Variants in STAG1 observed in about 807,000 individuals in gnomAD.
STAG1 encodes the protein STAG1 cohesin complex component.
A neutral mutation model predicts 170.9 loss-of-function variants in STAG1; 26 were observed. The observed-to-expected ratio is 0.15, with a 90% CI of 0.11 to 0.21. The LOEUF is 0.21. STAG1 is among the 10% of genes least tolerant of loss of function. The probability of loss-of-function intolerance (pLI) is 1.00; values close to 1 mark genes in which losing one functional copy is unlikely to be tolerated. For missense variants in STAG1, 964 were observed against 1,509.5 expected (o/e 0.64, Z 5.99); for synonymous variants, 514 against 497.7 (o/e 1.03, Z -0.44).
chr3:136,478,086 G>A (rs2089803798), intron 9 of STAG1, among the ~76,000 whole-genome samples: 2 of 152,092 alleles, frequency 1.3e-5, no homozygotes, highest in Admixed American at 6.6e-5. Context: ...CACTGTGACC[G>A]GCCAGAACTG....
intron 4 of STAG1, among the ~76,000 whole-genome samples, chr3:136,570,028 A>G (rs1937210642): frequency 6.6e-6 from 1 of 152,172 alleles, no homozygotes; most frequent in South Asian, 2.1e-4. Context: ...GGAAATGTAT[A>G]AAAATGTAAA....
At chr3:136,352,873 C>A (rs1936488887) in intron 28 of STAG1, among the ~76,000 whole-genome samples, 1 of 152,146 alleles carries the variant, frequency 6.6e-6, no homozygotes, top group Non-Finnish European at 1.5e-5. Context: ...GCATTTTTGA[C>A]TTACAATATT....
At chr3:136,728,364 T>C (rs192430870) in intron 1 of STAG1, among the ~76,000 whole-genome samples, 1 of 152,280 alleles carries the variant, frequency 6.6e-6, no homozygotes, top group Non-Finnish European at 1.5e-5. Context: ...TGTAAATGCA[T>C]TTGTGGGTAT....
At chr3:136,717,389 T>G (rs1943569609) in intron 1 of STAG1, among the ~76,000 whole-genome samples, 3 of 152,138 alleles carry the variant, frequency 2.0e-5, no homozygotes. Context: ...GGAGGTCGGG[T>G]GTGGTGGCTC....
At chr3:136,457,838 G>C (rs1332884009) in intron 13 of STAG1, among the ~76,000 whole-genome samples, 1 of 152,120 alleles carries the variant, frequency 6.6e-6, no homozygotes, top group African/African-American at 2.4e-5. Context: ...ATTCATGCCT[G>C]TAATCTCCAA....
In STAG1 at chr3:136,583,205, T is replaced by C. The variant is rs916611842; in HGVS notation, c.298-14344A>G. Among the ~76,000 whole-genome samples, 45 of 152,300 alleles carry C rather than the reference T, an allele frequency of 3.0e-4. 1 individual carries two copies. Among genetic ancestry groups the C allele is most frequent in the African/African-American group, 1.0e-3 (43 of 41,560 alleles). On this transcript the variant is annotated intron_variant, in intron 4 of 33. Coordinates refer to ENST00000383202, the MANE Select transcript of STAG1 (RefSeq NM_005862.3). Reference sequence around the variant, plus strand: ...AAAAATTAATTCAGGGTAAGGGATATTGTATATGCTTAAGAAGGTATTGCC... The same window carrying C: ...AAAAATTAATTCAGGGTAAGGGATACTGTATATGCTTAAGAAGGTATTGCC...
At chr3:136,546,304 G>A (rs1936152495) in intron 5 of STAG1, among the ~76,000 whole-genome samples, 1 of 152,154 alleles carries the variant, frequency 6.6e-6, no homozygotes, top group South Asian at 2.1e-4. Context: ...ATTCAAGATA[G>A]GCAGGGTTTC....
intron 22 of STAG1, among the ~76,000 whole-genome samples, chr3:136,395,485 G>C (rs2087123476): frequency 6.6e-6 from 1 of 152,052 alleles, no homozygotes; most frequent in South Asian, 2.1e-4. Context: ...CCCGGGCATG[G>C]TGGCATGCGC....
intron 2 of STAG1, among the ~76,000 whole-genome samples, chr3:136,629,644 C>A (rs565702456): frequency 6.6e-6 from 1 of 151,840 alleles, no homozygotes; most frequent in Non-Finnish European, 1.5e-5. Context: ...TTGGATAGCT[C>A]TGTGTCTTAG....
intron 6 of STAG1, among the ~76,000 whole-genome samples, chr3:136,533,746 C>G (rs1576578402): frequency 6.6e-6 from 1 of 152,262 alleles, no homozygotes; most frequent in East Asian, 1.9e-4. Flanking sequence ...CTGGGGATTA[C>G]ATTTCAACAT....
chr3:136,621,225 G>A (rs1314049923), intron 3 of STAG1, among the ~76,000 whole-genome samples: 1 of 152,148 alleles, frequency 6.6e-6, no homozygotes, highest in Non-Finnish European at 1.5e-5. Context: ...CTGCTGGTGG[G>A]GTGGTAAATT....
At chr3:136,553,932 G>A (rs1169954869) in intron 5 of STAG1, among the ~76,000 whole-genome samples, 1 of 152,036 alleles carries the variant, frequency 6.6e-6, no homozygotes, top group Non-Finnish European at 1.5e-5. Flanking sequence ...TGTATTAAAT[G>A]CAAAAGGGAC....
At chr3:136,734,795 G>A (rs746440012) in intron 1 of STAG1, among the ~76,000 whole-genome samples, 2 of 152,048 alleles carry the variant, frequency 1.3e-5, no homozygotes, top group Non-Finnish European at 2.9e-5. Context: ...GTATACCACT[G>A]CCACACATAT....
chr3:136,666,682 T>C (rs1341443428), intron 1 of STAG1, among the ~76,000 whole-genome samples: 2 of 151,988 alleles, frequency 1.3e-5, no homozygotes, highest in Non-Finnish European at 2.9e-5. Flanking sequence ...TAGCAAGGCA[T>C]GGTGGTGGGC....
chr3:136,449,296 C>T (rs1304164238), intron 14 of STAG1, among the ~76,000 whole-genome samples: 2 of 152,122 alleles, frequency 1.3e-5, no homozygotes, highest in Non-Finnish European at 2.9e-5. Context: ...CGTGGTGGCT[C>T]ACGCCTGTAA....
intron 1 of STAG1, among the ~76,000 whole-genome samples, chr3:136,659,660 C>T (rs980795093): frequency 6.6e-6 from 1 of 152,146 alleles, no homozygotes. Flanking sequence ...ACCCAAAATG[C>T]TATCATGGTT....
At chr3:136,359,418 A>T (rs188016696) in intron 26 of STAG1, 122 bp from the exon 27 acceptor site, 1 of 628,072 alleles carries the variant, frequency 1.6e-6, no homozygotes, top group Non-Finnish European at 2.5e-6. Context: ...TCTTGCATTG[A>T]ATTTTAGCTA....
intron 22 of STAG1, among the ~76,000 whole-genome samples, chr3:136,398,282 T>C (rs2087225696): frequency 6.6e-6 from 1 of 152,196 alleles, no homozygotes; most frequent in African/African-American, 2.4e-5. Flanking sequence ...CATGCCCAGC[T>C]AATTTTTGTA....
At chr3:136,477,244 G>A in intron 10 of STAG1, 45 bp downstream of exon 10, 1 of 1,547,236 alleles carries the variant, frequency 6.5e-7, no homozygotes, top group Non-Finnish European at 8.7e-7. Flanking sequence ...TTTTAGTACT[G>A]AGACAAACAT....
Sources: gnomAD v4.1 joint callset for allele counts (sites outside exome capture counted in the v4.1 genomes callset) on GRCh38, gnomAD v4.1.1 for gene constraint, MANE v1.5 for transcripts, NCBI Gene and HGNC (gene_info 2026-07-23, HGNC 2026-07-21) for gene names.